The following F5 variants were observed in gnomAD, a reference collection of about 807,000 sequenced individuals.
The protein encoded by F5 is coagulation factor V.
Under a neutral mutation model 216.4 loss-of-function variants are expected in F5, and 138 were observed. That is an observed-to-expected ratio of 0.64 (90% confidence interval 0.56 to 0.73). F5 has a LOEUF of 0.73. F5 is among the 30% of genes least tolerant of loss of function. The probability of loss-of-function intolerance (pLI) is 0.00; values close to 1 mark genes in which losing one functional copy is unlikely to be tolerated. For missense variants in F5, 2,403 were observed against 2,674.0 expected, an observed-to-expected ratio of 0.90 and a Z score of 2.24; for synonymous variants, 916 against 930.7, an observed-to-expected ratio of 0.98 and a Z score of 0.29.
intron 9 of F5, among the ~76,000 whole-genome samples, chr1:169,550,298 C>CG (rs1660136741): frequency 1.5e-5 from 2 of 134,426 alleles, no homozygotes; most frequent in African/African-American, 2.7e-5. Context: ...ACCCCCCCCC[C>CG]CCGACAGGCC....
intron 1 of F5, among the ~76,000 whole-genome samples, chr1:169,583,647 A>G (rs1221516758): frequency 6.6e-6 from 1 of 152,248 alleles, no homozygotes; most frequent in African/African-American, 2.4e-5. Context: ...GAAATACTCA[A>G]TCCATGTTAG....
At chr1:169,582,632 A>G in intron 1 of F5, 110 bp from the exon 2 acceptor site, 1 of 580,928 alleles carries the variant, frequency 1.7e-6, no homozygotes, top group Non-Finnish European at 3.1e-6. Context: ...GAATACCAGT[A>G]TCTTTATTGT....
chr1:169,564,947 G>A (rs1660566061), intron 3 of F5, among the ~76,000 whole-genome samples: 1 of 151,948 alleles, frequency 6.6e-6, no homozygotes. Flanking sequence ...TCCTTAACGT[G>A]GACCACAAGT....
intron 21 of F5, among the ~76,000 whole-genome samples, chr1:169,521,624 TTTTTTTTTTTTTTTTGAGACG>T (rs1020282980): frequency 2.1e-5 from 3 of 142,470 alleles, no homozygotes; most frequent in Non-Finnish European, 4.6e-5. Context: ...GATTTTTTTT[TTTTTTTTTTTTTTTTGAGACG>T]GAGTCTCACT....
At chr1:169,580,852 A>G (rs1660970885) in intron 2 of F5, among the ~76,000 whole-genome samples, 1 of 152,204 alleles carries the variant, frequency 6.6e-6, no homozygotes, top group South Asian at 2.1e-4. Flanking sequence ...CAGCAACAAT[A>G]ACAATAATGT....
At chr1:169,584,215 A>G (rs1022669190) in intron 1 of F5, among the ~76,000 whole-genome samples, 6 of 152,194 alleles carry the variant, frequency 3.9e-5, no homozygotes, top group Admixed American at 2.6e-4. Context: ...TTTACTATGT[A>G]TGCTGTGTAT....
chr1:169,531,834 C>T (rs1217896867), intron 14 of F5, among the ~76,000 whole-genome samples: 1 of 152,008 alleles, frequency 6.6e-6, no homozygotes, highest in Admixed American at 6.6e-5. Context: ...ATTGTCTGTT[C>T]CTTATTTTAT....
intron 1 of F5, among the ~76,000 whole-genome samples, chr1:169,585,220 A>AG (rs1661076955): frequency 6.6e-6 from 1 of 152,222 alleles, no homozygotes; most frequent in Non-Finnish European, 1.5e-5. Context: ...TATAAGACCA[A>AG]GATGGTATGT....
At chr1:169,582,620 T>C (rs1220291283) in intron 1 of F5, 98 bp from the exon 2 acceptor site, 3 of 626,500 alleles carry the variant, frequency 4.8e-6, no homozygotes, top group Non-Finnish European at 8.6e-6. Flanking sequence ...AGACTTCTAG[T>C]AGAATACCAG....
chr1:169,585,249 C>T (rs986860060), intron 1 of F5, among the ~76,000 whole-genome samples: 2 of 151,926 alleles, frequency 1.3e-5, no homozygotes, highest in Non-Finnish European at 2.9e-5. Context: ...CCAAAATAAC[C>T]CAGTTACAAT....
At chr1:169,530,326 T>C (rs1290757586) in intron 15 of F5, among the ~76,000 whole-genome samples, 1 of 152,202 alleles carries the variant, frequency 6.6e-6, no homozygotes, top group African/African-American at 2.4e-5. Context: ...ATGCCTGAAA[T>C]GGAGGAGTTG....
In F5 at chr1:169,518,677, A is replaced by T. The variant is rs1224938527; in HGVS notation, c.6194-114T>A. The T allele has an allele frequency of 5.2e-6, 6 of 1,149,888 alleles. No homozygotes were observed. The East Asian group carries it at 1.5e-4, about 29-fold the overall frequency. 71.2% of individuals were successfully genotyped at this position (1,149,888 alleles called of 1,614,324 possible). On this transcript the variant is annotated intron_variant, in intron 22 of 24. Transcript: ENST00000367797. ...CTACCAACAAATGACAAAAACAATA[A>T]CCACAACAATGAAGATTTATTGAAT...
intron 3 of F5, among the ~76,000 whole-genome samples, chr1:169,571,801 C>T (rs896985557): frequency 4.0e-4 from 61 of 152,298 alleles, no homozygotes; most frequent in African/African-American, 1.4e-3. Context: ...TCTATGGCTG[C>T]TTTTGTACTA....
At chr1:169,577,407 G>A (rs1352468689) in intron 2 of F5, among the ~76,000 whole-genome samples, 1 of 150,636 alleles carries the variant, frequency 6.6e-6, no homozygotes, top group Non-Finnish European at 1.5e-5. Flanking sequence ...GTCTTATTTT[G>A]TCACCCAGGC....
At chr1:169,582,096 C>T (rs995879157) in intron 2 of F5, among the ~76,000 whole-genome samples, 42 of 152,146 alleles carry the variant, frequency 2.8e-4, no homozygotes, top group African/African-American at 9.2e-4. Flanking sequence ...AATTCAAACA[C>T]TTATAAGTTT....
chr1:169,550,849 G>A, intron 8 of F5, 110 bp from the exon 9 acceptor site: 10 of 780,536 alleles, frequency 1.3e-5, no homozygotes, highest in Non-Finnish European at 2.2e-5. Context: ...GTATACATGT[G>A]TACACACAGT....
chr1:169,567,807 A>G (rs535431359), intron 3 of F5, among the ~76,000 whole-genome samples: 1 of 152,158 alleles, frequency 6.6e-6, no homozygotes, highest in East Asian at 1.9e-4. Flanking sequence ...TGCCTAGTTA[A>G]CTCTAGGGTA....
chr1:169,579,936 A>G (rs1418573326), intron 2 of F5, among the ~76,000 whole-genome samples: 1 of 152,148 alleles, frequency 6.6e-6, no homozygotes, highest in Non-Finnish European at 1.5e-5. Context: ...AAAGCCTAGC[A>G]TGGATCCCTG....
chr1:169,565,788 T>C (rs958755381), intron 3 of F5, among the ~76,000 whole-genome samples: 3 of 152,076 alleles, frequency 2.0e-5, no homozygotes, highest in Non-Finnish European at 4.4e-5. Flanking sequence ...CATCTGAGTT[T>C]GTGAACTTTG....
Sources: gnomAD v4.1 joint callset for allele counts (sites outside exome capture counted in the v4.1 genomes callset) on GRCh38, gnomAD v4.1.1 for gene constraint, MANE v1.5 for transcripts, NCBI Gene and HGNC (gene_info 2026-07-23, HGNC 2026-07-21) for gene names.